The following SULF2 variants were observed in gnomAD, a reference collection of about 807,000 sequenced individuals.
SULF2 encodes the protein extracellular sulfatase Sulf-2.
In SULF2, 52 loss-of-function variants were observed where a neutral mutation model predicts 107.7. That is an observed-to-expected ratio of 0.48 (90% CI 0.39 to 0.61). The LOEUF (loss-of-function observed/expected upper bound fraction) is 0.61. SULF2 is among the 20% of genes least tolerant of loss of function. The probability of loss-of-function intolerance (pLI) is 0.00; values close to 1 mark genes in which losing one functional copy is unlikely to be tolerated. For missense variants in SULF2, 993 were observed against 1,177.3 expected (o/e 0.84, Z 2.29); for synonymous variants, 460 against 464.3 (o/e 0.99, Z 0.12).
chr20:47,740,545 G>A (rs1376226863), intron 2 of SULF2, among the ~76,000 whole-genome samples: 5 of 152,174 alleles, frequency 3.3e-5, no homozygotes, highest in Admixed American at 3.3e-4. Context: ...GCTCCAGGCA[G>A]GGGGTGGCAT....
At position 47,732,178 on chromosome 20, in the gene SULF2, G is replaced by C. The variant is rs144596441; in HGVS notation, c.415+4525C>G. Among the ~76,000 whole-genome samples the C allele has an allele frequency of 3.3e-3, 495 of 152,276 alleles. 4 individuals are homozygous for C. Among genetic ancestry groups the C allele is most frequent in the African/African-American group, 0.011 (469 of 41,556 alleles). On this transcript the variant is annotated intron_variant, in intron 3 of 20. Transcript: ENST00000688720. ...CCCAAAATGTTGGAATTACAGGTGT[G>C]AGCCACTGCACCCAGCCATCATTGC...
intron 3 of SULF2, among the ~76,000 whole-genome samples, chr20:47,711,192 C>T (rs1477414213): frequency 2.0e-5 from 3 of 152,252 alleles, no homozygotes; most frequent in Non-Finnish European, 4.4e-5. Context: ...TAGGAACACG[C>T]TGTTCCTCCC....
intron 8 of SULF2, chr20:47,677,875 AG>A (rs2087702271): frequency 6.6e-6 from 1 of 152,456 alleles, no homozygotes; most frequent in Non-Finnish European, 1.5e-5. Flanking sequence ...GTCCCCCTAC[AG>A]GGCAGCCAGA....
At chr20:47,723,230 T>G (rs1600574725) in intron 3 of SULF2, among the ~76,000 whole-genome samples, 2 of 146,104 alleles carry the variant, frequency 1.4e-5, no homozygotes, top group Non-Finnish European at 3.0e-5. Context: ...GGTGGCAGAG[T>G]GACAGTCCAT....
intron 3 of SULF2, among the ~76,000 whole-genome samples, chr20:47,704,073 G>A (rs1046656103): frequency 6.6e-6 from 1 of 152,126 alleles, no homozygotes; most frequent in Non-Finnish European, 1.5e-5. Flanking sequence ...ATTTCTTGCT[G>A]GAGCAGGTGG....
rs1193992677 is a variant in SULF2 at position 47,666,098 on chromosome 20, C to T, written c.1806-145G>A. On this transcript the variant is annotated intron_variant, in intron 12 of 20. Transcript: ENST00000688720. The surrounding 1 kb of genome is among the most constrained non-coding windows in gnomAD (Gnocchi z 5.4). ...CACCTGGACACTCACCGATGTGTCA[C>T]TTTAATGGGGTTGGCGGCTGAATAG... The T allele has an allele frequency of 6.2e-7, 1 of 1,611,754 alleles. No homozygotes were observed. The highest frequency in any genetic ancestry group is 8.5e-7 in the Non-Finnish European group (1 of 1,178,472).
intron 3 of SULF2, among the ~76,000 whole-genome samples, chr20:47,718,568 G>C (rs1188381341): frequency 1.3e-5 from 2 of 152,212 alleles, no homozygotes; most frequent in Non-Finnish European, 2.9e-5. Flanking sequence ...TCAGGAGACA[G>C]ACTGTGATGA....
chr20:47,712,627 G>T (rs2088970122), intron 3 of SULF2, among the ~76,000 whole-genome samples: 1 of 152,186 alleles, frequency 6.6e-6, no homozygotes, highest in African/African-American at 2.4e-5. Flanking sequence ...GGGCTGGGTA[G>T]GTGCACCTGA....
intron 4 of SULF2, among the ~76,000 whole-genome samples, chr20:47,692,294 A>G (rs2088223544): frequency 1.3e-5 from 2 of 152,250 alleles, no homozygotes; most frequent in Admixed American, 6.5e-5. Context: ...TCTTTCAGGT[A>G]CACTCATCCA....
chr20:47,737,160 G>C (rs976926016), intron 2 of SULF2, among the ~76,000 whole-genome samples: 1 of 152,140 alleles, frequency 6.6e-6, no homozygotes, highest in Non-Finnish European at 1.5e-5. Flanking sequence ...CTGAGGTCCA[G>C]GTCTGGAGTC....
In SULF2 at chr20:47,715,893, G is replaced by GT. The variant is rs558650702; in HGVS notation, c.416-13224dup. On this transcript the variant is annotated intron_variant, in intron 3 of 20. Coordinates refer to ENST00000688720, the MANE Select transcript of SULF2 (RefSeq NM_001387048.1). ...TGCGCCTGGCTGAGAACGTAGATTT[G>GT]TTTTTTTATCATCCGGTGCACACCC... Among the ~76,000 whole-genome samples the GT allele has an allele frequency of 5.0e-3, 765 of 152,252 alleles. 8 individuals are homozygous for GT. The highest frequency in any genetic ancestry group is 0.017 in the African/African-American group (721 of 41,544).
At chr20:47,771,094 G>A (rs1044194100) in intron 1 of SULF2, among the ~76,000 whole-genome samples, 1 of 152,150 alleles carries the variant, frequency 6.6e-6, no homozygotes, top group Non-Finnish European at 1.5e-5. Flanking sequence ...GCCAGGCCTG[G>A]GGCAGCCACG....
chr20:47,754,989 A>T (rs995301738), intron 2 of SULF2, among the ~76,000 whole-genome samples: 6 of 150,170 alleles, frequency 4.0e-5, no homozygotes, highest in Non-Finnish European at 8.9e-5. Context: ...GTGTGCCACC[A>T]TCCTTGGCTG....
intron 2 of SULF2, among the ~76,000 whole-genome samples, chr20:47,745,450 TATATATACACATACAC>T (rs2090011928): frequency 6.2e-5 from 1 of 16,108 alleles, no homozygotes; most frequent in African/African-American, 3.7e-4. Context: ...TATATATATA[TATATATACACATACAC>T]ACACACTTTT....
intron 3 of SULF2, among the ~76,000 whole-genome samples, chr20:47,720,877 T>C (rs1465763757): frequency 6.6e-6 from 1 of 151,116 alleles, no homozygotes; most frequent in African/African-American, 2.4e-5. Flanking sequence ...GAGCTGGAGG[T>C]TCCTGAGGAA....
chr20:47,728,567 C>T (rs2089510469), intron 3 of SULF2, among the ~76,000 whole-genome samples: 1 of 152,130 alleles, frequency 6.6e-6, no homozygotes, highest in Admixed American at 6.5e-5. Flanking sequence ...TGAGCACCTA[C>T]GATGGGGTGG....
rs142342904 is a variant in SULF2, at chr20:47,661,031, C to T, written c.2494+742G>A. Among the ~76,000 whole-genome samples the T allele has an allele frequency of 5.0e-3, 756 of 152,250 alleles. 8 individuals carry two copies. Among genetic ancestry groups the T allele is most frequent in the African/African-American group, 0.017 (724 of 41,544 alleles). ...GTTTTCTCCCATAAAGTCCCATTCTCCACCTAGCAAATGTCGGTGCCCAGG... is the reference window on the plus strand; with the variant it reads ...GTTTTCTCCCATAAAGTCCCATTCTTCACCTAGCAAATGTCGGTGCCCAGG... On this transcript the variant is annotated intron_variant, in intron 18 of 20. Transcript: ENST00000688720.
intron 2 of SULF2, among the ~76,000 whole-genome samples, chr20:47,740,882 C>T (rs905701246): frequency 6.6e-6 from 1 of 152,112 alleles, no homozygotes; most frequent in Non-Finnish European, 1.5e-5. Flanking sequence ...GCCCTGATGT[C>T]ACCGTCCCTC....
intron 3 of SULF2, among the ~76,000 whole-genome samples, chr20:47,702,904 G>A (rs115864357): frequency 0.014 from 2,089 of 152,246 alleles, 55 homozygotes; most frequent in African/African-American, 0.046. Flanking sequence ...ACACATTTGC[G>A]ATACAGTGTG....
Sources: allele counts gnomAD v4.1 joint callset (sites outside exome capture counted in the v4.1 genomes callset), GRCh38; gene constraint gnomAD v4.1.1; non-coding constraint Gnocchi (gnomAD v3.1); transcripts MANE v1.5; gene names NCBI Gene and HGNC (gene_info 2026-07-23, HGNC 2026-07-21).